The following CHRM3 variants were observed in gnomAD, a reference collection of about 807,000 sequenced individuals.
CHRM3 encodes muscarinic acetylcholine receptor M3.
A neutral mutation model predicts 41.8 loss-of-function variants in CHRM3; 11 were observed. That is an observed-to-expected ratio of 0.26 (90% CI 0.17 to 0.44). CHRM3 has a LOEUF of 0.44. CHRM3 is among the 20% of genes least tolerant of loss of function. CHRM3 has a pLI of 1.00. For synonymous variants in CHRM3, 297 were observed against 301.4 expected (o/e 0.99, Z 0.15); for missense variants, 571 against 745.4 (o/e 0.77, Z 2.72).
At chr1:239,473,400 GA>G (rs1057203042) in intron 1 of CHRM3, among the ~76,000 whole-genome samples, 1 of 151,910 alleles carries the variant, frequency 6.6e-6, no homozygotes, top group African/African-American at 2.4e-5. Flanking sequence ...CATCCCAAGA[GA>G]AAATTGGAAA....
intron 2 of CHRM3, among the ~76,000 whole-genome samples, chr1:239,516,250 TTAAA>T (rs1669262972): frequency 6.6e-6 from 1 of 152,252 alleles, no homozygotes; most frequent in Non-Finnish European, 1.5e-5. Flanking sequence ...TGCAAACACA[TTAAA>T]TAAAGGAAAA....
At chr1:239,842,086 T>G (rs1369593439) in intron 6 of CHRM3, among the ~76,000 whole-genome samples, 1 of 152,222 alleles carries the variant, frequency 6.6e-6, no homozygotes, top group African/African-American at 2.4e-5. Context: ...GAAAGATATA[T>G]TTCTCATCAT....
At chr1:239,719,231 A>T (rs1662690591) in intron 5 of CHRM3, 1 of 151,992 alleles carries the variant, frequency 6.6e-6, no homozygotes, top group South Asian at 2.1e-4. Context: ...TTCTGAGTGT[A>T]TCGTTAGGGT....
chr1:239,756,329 A>ATT (rs1356543197), intron 5 of CHRM3, among the ~76,000 whole-genome samples: 1 of 152,202 alleles, frequency 6.6e-6, no homozygotes, highest in Non-Finnish European at 1.5e-5. Context: ...AGGACTTAAG[A>ATT]ATTTGACTGA....
In CHRM3 at chr1:239,680,515, A is replaced by G. The variant is rs555172633; in HGVS notation, c.-147+2227A>G. Among the ~76,000 whole-genome samples, 8 of 152,186 alleles carry G rather than the reference A, an allele frequency of 5.3e-5. No individual in the cohort carries two copies. In the South Asian group the frequency reaches 1.7e-3, roughly 32 times the overall value. ...TACCTATCCAACAGATTGCCACCCA[A>G]TCAGGGTCCTGATTGCACCTTACAT... On this transcript the variant is annotated intron_variant, in intron 5 of 6. Coordinates refer to ENST00000676153, the MANE Select transcript of CHRM3 (RefSeq NM_001375978.1).
chr1:239,711,998 G>A (rs978718382), intron 5 of CHRM3, among the ~76,000 whole-genome samples: 3 of 152,136 alleles, frequency 2.0e-5, no homozygotes, highest in East Asian at 3.9e-4. Context: ...CCCAGGCTTA[G>A]ATGCCTTTTG....
intron 1 of CHRM3, among the ~76,000 whole-genome samples, chr1:239,467,041 T>C (rs1047073235): frequency 6.6e-5 from 10 of 152,100 alleles, no homozygotes; most frequent in Non-Finnish European, 1.2e-4. Context: ...TAAGGAAATA[T>C]TTTGCTGTCC....
intron 5 of CHRM3, among the ~76,000 whole-genome samples, chr1:239,689,794 T>A (rs1226568696): frequency 6.6e-6 from 1 of 152,162 alleles, no homozygotes; most frequent in African/African-American, 2.4e-5. Context: ...AGGATACACA[T>A]GTAGATATTC....
At chr1:239,489,382 C>T (rs1046524339) in intron 1 of CHRM3, among the ~76,000 whole-genome samples, 45 of 151,832 alleles carry the variant, frequency 3.0e-4, no homozygotes, top group Admixed American at 5.3e-4. Context: ...CATTGCACTC[C>T]AGCCTGGGCA....
intron 6 of CHRM3, among the ~76,000 whole-genome samples, chr1:239,903,801 C>A (rs1370827098): frequency 1.3e-5 from 2 of 152,194 alleles, no homozygotes; most frequent in Non-Finnish European, 2.9e-5. Context: ...CTCATTCCAA[C>A]ATCCACATCA....
intron 5 of CHRM3, among the ~76,000 whole-genome samples, chr1:239,800,180 C>G (rs1212581718): frequency 6.6e-6 from 1 of 152,028 alleles, no homozygotes; most frequent in Non-Finnish European, 1.5e-5. Flanking sequence ...GTTTTAAGCT[C>G]CCCAGGTTGA....
At chr1:239,530,103 C>G (rs932316425) in intron 2 of CHRM3, among the ~76,000 whole-genome samples, 9 of 152,060 alleles carry the variant, frequency 5.9e-5, no homozygotes, top group African/African-American at 2.2e-4. Flanking sequence ...TGGGGTTTCA[C>G]CGTGTTAGCC....
intron 5 of CHRM3, among the ~76,000 whole-genome samples, chr1:239,794,699 TAAC>T (rs1167784615): frequency 6.6e-6 from 1 of 152,214 alleles, no homozygotes. Flanking sequence ...ACCATCTTCT[TAAC>T]AAGCAGTAGT....
chr1:239,862,302 T>TGTCAGAAAATTGAAGCATCCCTGCA (rs1379000833), intron 6 of CHRM3, among the ~76,000 whole-genome samples: 12 of 152,344 alleles, frequency 7.9e-5, no homozygotes, highest in Admixed American at 2.0e-4. Context: ...AAGGAAGCTA[T>TGTCAGAAAATTGAAGCATCCCTGCA]GTCAGAAAAT....
intron 5 of CHRM3, among the ~76,000 whole-genome samples, chr1:239,752,561 C>A (rs7544318): frequency 0.02 from 3,000 of 152,190 alleles, 90 homozygotes; most frequent in African/African-American, 0.065. Flanking sequence ...TAGCAAAATA[C>A]CACCTTGAAT....
chr1:239,633,429 T>C lies in CHRM3; in HGVS notation c.-250+1143T>C, dbSNP rs551661288. Among the ~76,000 whole-genome samples the C allele has an allele frequency of 3.9e-5, 6 of 152,170 alleles. No homozygotes were observed. The South Asian group carries it at 1.2e-3, about 32-fold the overall frequency. On this transcript the variant is annotated intron_variant, in intron 4 of 6. Transcript: ENST00000676153. Reference sequence around the variant, plus strand: ...AATCACCTCCCACAAGGCCCCTCCCTCAACAGATAGAGATTACGGTTCGAG... The same window carrying C: ...AATCACCTCCCACAAGGCCCCTCCCCCAACAGATAGAGATTACGGTTCGAG...
intron 5 of CHRM3, among the ~76,000 whole-genome samples, chr1:239,762,395 G>T (rs1666869814): frequency 6.6e-6 from 1 of 152,140 alleles, no homozygotes; most frequent in African/African-American, 2.4e-5. Context: ...AAGATTTTAT[G>T]ACACATACTT....
intron 3 of CHRM3, among the ~76,000 whole-genome samples, chr1:239,600,783 C>A (rs1441917263): frequency 6.8e-6 from 1 of 147,604 alleles, no homozygotes; most frequent in African/African-American, 2.5e-5. Context: ...TCTTCTTTTC[C>A]TTCCTTCCTT....
intron 5 of CHRM3, among the ~76,000 whole-genome samples, chr1:239,685,004 ATCT>A (rs1396935570): frequency 6.6e-6 from 1 of 152,200 alleles, no homozygotes; most frequent in Non-Finnish European, 1.5e-5. Context: ...TCTCCCTTGC[ATCT>A]TCTTCTGTAT....
Sources: allele counts gnomAD v4.1 joint callset (sites outside exome capture counted in the v4.1 genomes callset), GRCh38; gene constraint gnomAD v4.1.1; transcripts MANE v1.5; gene names NCBI Gene and HGNC (gene_info 2026-07-23, HGNC 2026-07-21).